Variants in EPB41L5 observed in about 807,000 individuals in gnomAD.
The protein encoded by EPB41L5 is erythrocyte membrane protein band 4.1 like 5, also known as band 4.1-like protein 5.
A neutral mutation model predicts 106.6 loss-of-function variants in EPB41L5; 55 were observed. The observed-to-expected ratio is 0.52, with a 90% CI of 0.42 to 0.65. The LOEUF is 0.65. EPB41L5 is among the 30% of genes least tolerant of loss of function. The pLI is 0.00. For synonymous variants in EPB41L5, 297 were observed against 306.7 expected, an observed-to-expected ratio of 0.97 and a Z score of 0.33; for missense variants, 871 against 882.1, an observed-to-expected ratio of 0.99 and a Z score of 0.16.
intron 3 of EPB41L5, among the ~76,000 whole-genome samples, chr2:120,061,334 T>C (rs1463886051): frequency 6.7e-6 from 1 of 149,340 alleles, no homozygotes; most frequent in East Asian, 2.0e-4. Context: ...GCCATTCTCC[T>C]GCCTCAGCCT....
chr2:120,112,300 C>T (rs4848572), intron 16 of EPB41L5, among the ~76,000 whole-genome samples: 105,010 of 152,006 alleles, frequency 0.69, 37,730 homozygotes, highest in Non-Finnish European at 0.79. Flanking sequence ...TCAGAGTGTC[C>T]GTTTTTCAAC....
chr2:120,165,497 T>C (rs749878099), intron 22 of EPB41L5, among the ~76,000 whole-genome samples: 6 of 152,210 alleles, frequency 3.9e-5, no homozygotes, highest in Non-Finnish European at 5.9e-5. Context: ...TTATATTGTA[T>C]TGTTTAGGAA....
At chr2:120,066,388 A>G (rs1327480638) in intron 3 of EPB41L5, among the ~76,000 whole-genome samples, 1 of 152,256 alleles carries the variant, frequency 6.6e-6, no homozygotes, top group Non-Finnish European at 1.5e-5. Flanking sequence ...AAAACAATTT[A>G]TAATGTCTAA....
At chr2:120,114,304 T>C (rs1387601261) in intron 16 of EPB41L5, among the ~76,000 whole-genome samples, 3 of 152,220 alleles carry the variant, frequency 2.0e-5, no homozygotes, top group Non-Finnish European at 4.4e-5. Flanking sequence ...TTTCAACTTA[T>C]GATGGTGTGA....
intron 3 of EPB41L5, among the ~76,000 whole-genome samples, chr2:120,050,221 GT>G (rs1353116788): frequency 1.3e-5 from 2 of 152,142 alleles, no homozygotes; most frequent in Non-Finnish European, 2.9e-5. Context: ...GCCTCGCTAG[GT>G]TGGGGAAGTT....
chr2:120,054,611 C>T (rs931523024), intron 3 of EPB41L5, among the ~76,000 whole-genome samples: 1 of 151,960 alleles, frequency 6.6e-6, no homozygotes, highest in African/African-American at 2.4e-5. Flanking sequence ...GAGCAGTTCT[C>T]CTGCCTCAGC....
intron 17 of EPB41L5, among the ~76,000 whole-genome samples, chr2:120,129,915 G>A (rs1156523278): frequency 2.0e-5 from 3 of 152,188 alleles, no homozygotes; most frequent in African/African-American, 7.2e-5. Context: ...GGAGGCCAAG[G>A]CAGGCGGATC....
intron 7 of EPB41L5, among the ~76,000 whole-genome samples, chr2:120,076,496 T>TTTA (rs1468364101): frequency 1.5e-5 from 2 of 131,454 alleles, no homozygotes; most frequent in Non-Finnish European, 3.2e-5. Context: ...TTTTTTTTTT[T>TTTA]AGAGACGAGG....
At chr2:120,136,421 A>G (rs1453753512) in intron 18 of EPB41L5, among the ~76,000 whole-genome samples, 2 of 151,488 alleles carry the variant, frequency 1.3e-5, no homozygotes, top group African/African-American at 4.8e-5. Context: ...ATAATATTGA[A>G]TGTAAATGAA....
chr2:120,158,387 C>T (rs1402776948), intron 20 of EPB41L5, among the ~76,000 whole-genome samples: 1 of 151,978 alleles, frequency 6.6e-6, no homozygotes, highest in East Asian at 1.9e-4. Flanking sequence ...CACATCAGTC[C>T]ACCACAATCA....
intron 21 of EPB41L5, 89 bp from the exon 22 acceptor site, chr2:120,164,747 C>T: frequency 2.4e-6 from 2 of 849,490 alleles, no homozygotes; most frequent in East Asian, 2.5e-5. Context: ...AGGCCTGTGT[C>T]AGAATTATAA....
At chr2:120,031,462 T>C (rs1197435672) in intron 2 of EPB41L5, among the ~76,000 whole-genome samples, 1 of 152,142 alleles carries the variant, frequency 6.6e-6, no homozygotes, top group Non-Finnish European at 1.5e-5. Context: ...AGAACATGAG[T>C]AGCAGGTACT....
At chr2:120,094,727 A>G (rs1683630315) in intron 14 of EPB41L5, among the ~76,000 whole-genome samples, 1 of 152,122 alleles carries the variant, frequency 6.6e-6, no homozygotes, top group Non-Finnish European at 1.5e-5. Flanking sequence ...CACTGCTTTA[A>G]TTCAATAAGT....
chr2:120,025,926 G>C (rs1158532464), intron 2 of EPB41L5, among the ~76,000 whole-genome samples: 2 of 152,192 alleles, frequency 1.3e-5, no homozygotes, highest in Non-Finnish European at 2.9e-5. Flanking sequence ...CTGGCACAAG[G>C]ATAGACACAT....
chr2:120,100,566 G>T (rs192573346), intron 15 of EPB41L5, 133 bp from the exon 16 acceptor site: 1 of 711,328 alleles, frequency 1.4e-6, no homozygotes, highest in Non-Finnish European at 2.5e-6. Context: ...TATCTCTAAG[G>T]TGTATATAAA....
At chr2:120,108,347 T>C (rs1684568189) in intron 16 of EPB41L5, 1 of 152,144 alleles carries the variant, frequency 6.6e-6, no homozygotes, top group Non-Finnish European at 1.5e-5. Flanking sequence ...CAGCTGTAGC[T>C]CATTTTTTGT....
chr2:120,113,893 T>C lies in EPB41L5; in HGVS notation c.1337+13079T>C, dbSNP rs367675309. Reference sequence around the variant, plus strand: ...CCCTTGTATGATGCCCAGTGTTTTATTTATCCATTGTCAGTTGATAGATAT... The same window carrying C: ...CCCTTGTATGATGCCCAGTGTTTTACTTATCCATTGTCAGTTGATAGATAT... On this transcript the variant is annotated intron_variant, in intron 16 of 24. Coordinates refer to ENST00000263713, the MANE Select transcript of EPB41L5 (RefSeq NM_020909.4). 7.2e-5 allele frequency among the ~76,000 whole-genome samples: 11 copies of C among 152,242 alleles called. No homozygotes were observed. In the East Asian group the frequency reaches 7.7e-4, roughly 11 times the overall value.
At chr2:120,114,131 T>C (rs1226677949) in intron 16 of EPB41L5, among the ~76,000 whole-genome samples, 1 of 152,182 alleles carries the variant, frequency 6.6e-6, no homozygotes, top group Non-Finnish European at 1.5e-5. Context: ...CACCAACACT[T>C]ACTATTGCCT....
chr2:120,040,745 G>C (rs1290064460), intron 2 of EPB41L5, among the ~76,000 whole-genome samples: 1 of 152,148 alleles, frequency 6.6e-6, no homozygotes, highest in Non-Finnish European at 1.5e-5. Context: ...ATTGGGTGGA[G>C]GGGAGATTAG....
Sources: gnomAD v4.1 joint callset for allele counts (sites outside exome capture counted in the v4.1 genomes callset) on GRCh38, gnomAD v4.1.1 for gene constraint, MANE v1.5 for transcripts, NCBI Gene and HGNC (gene_info 2026-07-23, HGNC 2026-07-21) for gene names.